The following MICAL2 variants were observed in gnomAD, a reference collection of about 807,000 sequenced individuals.
The protein encoded by MICAL2 is microtubule associated monooxygenase, calponin and LIM domain containing 2, also known as [F-actin]-monooxygenase MICAL2.
MICAL2 carries 77 observed loss-of-function variants against 127.3 expected under a neutral mutation model. The observed-to-expected ratio is 0.60, with a 90% confidence interval of 0.50 to 0.73. The LOEUF (loss-of-function observed/expected upper bound fraction) is 0.73, where lower values mean the gene tolerates loss of function less well. Among genes scored for constraint, MICAL2 ranks in the 30% least tolerant of loss-of-function variants. The probability of loss-of-function intolerance (pLI) is 0.00; values close to 1 mark genes in which losing one functional copy is unlikely to be tolerated. For missense variants in MICAL2, 1,351 were observed against 1,434.4 expected (o/e 0.94, Z 0.94); for synonymous variants, 570 against 551.1 (o/e 1.03, Z -0.48).
chr11:12,307,641 G>T (rs1205175158), intron 29 of MICAL2, among the ~76,000 whole-genome samples: 1 of 152,162 alleles, frequency 6.6e-6, no homozygotes, highest in Non-Finnish European at 1.5e-5. Flanking sequence ...TATAGTGAAT[G>T]TAAGTCATGG....
intron 20 of MICAL2, among the ~76,000 whole-genome samples, chr11:12,243,703 T>C (rs1860297148): frequency 6.6e-6 from 1 of 152,228 alleles, no homozygotes; most frequent in Non-Finnish European, 1.5e-5. Flanking sequence ...CTTTGGTAAT[T>C]GGCATCGGTG....
downstream of MICAL2, among the ~76,000 whole-genome samples, chr11:12,264,949 T>A (rs1004042281): frequency 1.3e-5 from 2 of 152,230 alleles, no homozygotes; most frequent in South Asian, 4.1e-4. Flanking sequence ...TCTGTTATAT[T>A]TAACTGTGCA....
At chr11:12,346,901 T>C (rs1242210129) in intron 32 of MICAL2, among the ~76,000 whole-genome samples, 1 of 152,186 alleles carries the variant, frequency 6.6e-6, no homozygotes, top group East Asian at 1.9e-4. Flanking sequence ...CCCTCCTCCC[T>C]TTCTCACTTT....
chr11:12,290,683 T>C (rs1214041831), downstream of MICAL2, among the ~76,000 whole-genome samples: 3 of 152,192 alleles, frequency 2.0e-5, no homozygotes, highest in African/African-American at 7.2e-5. Flanking sequence ...TCAGATCAGA[T>C]CTGTTCCCAG....
chr11:12,143,898 T>C (rs1852604261), intron 2 of MICAL2, among the ~76,000 whole-genome samples: 1 of 152,092 alleles, frequency 6.6e-6, no homozygotes, highest in Non-Finnish European at 1.5e-5. Context: ...TTTTTAAAAA[T>C]ATCAGATCAT....
At chr11:12,244,171 G>A in intron 21 of MICAL2, 59 bp downstream of exon 21, 1 of 1,601,314 alleles carries the variant, frequency 6.2e-7, no homozygotes, top group African/African-American at 1.3e-5. Flanking sequence ...ATGTTCTCAT[G>A]CTCCACTTGA....
chr11:12,242,570 C>A, intron 19 of MICAL2, 101 bp from the exon 20 acceptor site: 2 of 1,432,246 alleles, frequency 1.4e-6, no homozygotes, highest in Non-Finnish European at 2.0e-6. Context: ...GGTGAGCAGG[C>A]AAGGCCCCCG....
intron 1 of MICAL2, among the ~76,000 whole-genome samples, chr11:12,113,658 A>T (rs1012709304): frequency 2.0e-5 from 3 of 152,230 alleles, no homozygotes; most frequent in African/African-American, 7.2e-5. Flanking sequence ...CTTTTATTAT[A>T]GTATATTGTT....
chr11:12,251,577 TAAA>T (rs536942703), intron 22 of MICAL2, among the ~76,000 whole-genome samples: 3,709 of 93,760 alleles, frequency 0.04, 188 homozygotes, highest in East Asian at 0.25. Flanking sequence ...CATTTCACTT[TAAA>T]AAAAAAAAAA....
intron 1 of MICAL2, among the ~76,000 whole-genome samples, chr11:12,137,850 G>T (rs1158260208): frequency 6.6e-6 from 1 of 152,156 alleles, no homozygotes; most frequent in Non-Finnish European, 1.5e-5. Context: ...AGAAGCAATA[G>T]GATGTCATGA....
At chr11:12,336,056 C>T (rs564496977) in intron 32 of MICAL2, among the ~76,000 whole-genome samples, 3 of 152,066 alleles carry the variant, frequency 2.0e-5, no homozygotes, top group Non-Finnish European at 1.5e-5. Flanking sequence ...TATGGCCATT[C>T]TCATGATATT....
At chr11:12,270,659 A>G (rs1192910297) in intron 24 of MICAL2, among the ~76,000 whole-genome samples, 2 of 152,146 alleles carry the variant, frequency 1.3e-5, no homozygotes, top group African/African-American at 4.8e-5. Flanking sequence ...TGTCTTCCTG[A>G]CTGGATCCTG....
At chr11:12,243,648 C>T (rs1328461104) in intron 20 of MICAL2, among the ~76,000 whole-genome samples, 1 of 152,244 alleles carries the variant, frequency 6.6e-6, no homozygotes, top group African/African-American at 2.4e-5. Context: ...GTTCTCCTCT[C>T]CTAAGCTCGC....
In MICAL2 at chr11:12,270,875, G is replaced by A. The variant is rs577651094; in HGVS notation, c.3335-5111G>A. 3.9e-5 allele frequency among the ~76,000 whole-genome samples: 6 copies of A among 152,300 alleles called. No homozygotes were observed. The South Asian group carries it at 1.2e-3, about 32-fold the overall frequency. On this transcript the variant is annotated intron_variant, in intron 24 of 34. Coordinates refer to the MICAL2 transcript ENST00000646065. ...TGCGTTGTCATCTCCCTGGGTTCTGGGGGTGAGTGGAAGAGTTTCAGACTT... is the reference window on the plus strand; with the variant it reads ...TGCGTTGTCATCTCCCTGGGTTCTGAGGGTGAGTGGAAGAGTTTCAGACTT...
chr11:12,355,900 A>T (rs1324299389), intron 34 of MICAL2, among the ~76,000 whole-genome samples: 2 of 152,122 alleles, frequency 1.3e-5, no homozygotes, highest in African/African-American at 4.8e-5. Context: ...ATCATTTTTT[A>T]TATGTCAGAG....
chr11:12,224,089 C>T (rs1857129871), intron 12 of MICAL2, among the ~76,000 whole-genome samples: 1 of 152,202 alleles, frequency 6.6e-6, no homozygotes, highest in African/African-American at 2.4e-5. Flanking sequence ...ACATGCCCCA[C>T]TGCTGTAATA....
At chr11:12,256,374 G>T (rs1862323804) in intron 23 of MICAL2, 1 of 164,068 alleles carries the variant, frequency 6.1e-6, no homozygotes, top group Non-Finnish European at 1.3e-5. Context: ...AACATCCTCA[G>T]CGGGCCAGTT....
At chr11:12,164,430 G>C (rs748186235) in intron 3 of MICAL2, among the ~76,000 whole-genome samples, 14 of 152,180 alleles carry the variant, frequency 9.2e-5, no homozygotes, top group Non-Finnish European at 1.3e-4. Context: ...TAGGCTACTT[G>C]AGCTGTGCTT....
chr11:12,252,722 C>G (rs1861718459), intron 22 of MICAL2: 1 of 152,224 alleles, frequency 6.6e-6, no homozygotes, highest in Non-Finnish European at 1.5e-5. Flanking sequence ...CCGTCATCTG[C>G]TTTGCAGTTC....
Sources: gnomAD v4.1 joint callset for allele counts (sites outside exome capture counted in the v4.1 genomes callset) on GRCh38, gnomAD v4.1.1 for gene constraint, MANE v1.5 for transcripts, NCBI Gene and HGNC (gene_info 2026-07-23, HGNC 2026-07-21) for gene names.